The following SPATS1 variants were observed in gnomAD, a reference collection of about 807,000 sequenced individuals.
SPATS1 encodes spermatogenesis-associated serine-rich protein 1.
In SPATS1, 23 loss-of-function variants were observed where a neutral mutation model predicts 33.6. The observed-to-expected ratio is 0.68, with a 90% CI of 0.49 to 0.97. The LOEUF is 0.97. SPATS1 is among the 50% of genes least tolerant of loss of function. The pLI is 0.00. For synonymous variants in SPATS1, 131 were observed against 125.6 expected (o/e 1.04, Z -0.29); for missense variants, 327 against 361.0 (o/e 0.91, Z 0.76).
chr6:44,349,968 G>A lies in SPATS1; in HGVS notation c.140-2758G>A, dbSNP rs1286569636. Among the ~76,000 whole-genome samples, 5 of 152,094 alleles carry A rather than the reference G, an allele frequency of 3.3e-5. No homozygotes were observed. The South Asian group carries it at 1.0e-3, about 32-fold the overall frequency. ...TTGGTATATGGGTGGTTCTTCCTTT[G>A]GTTACTGGGGACCCGTCTCCTCATC... On this transcript the variant is annotated intron_variant, in intron 2 of 8. Transcript: ENST00000674044.
chr6:44,343,427 C>G (rs1787683488), intron 2 of SPATS1, 193 bp downstream of exon 2: 1 of 694,570 alleles, frequency 1.4e-6, no homozygotes, highest in Non-Finnish European at 2.6e-6. Flanking sequence ...AGAGCACCAC[C>G]AAAGCAGAGA....
intron 4 of SPATS1, among the ~76,000 whole-genome samples, chr6:44,360,967 A>C (rs1368356178): frequency 6.6e-6 from 1 of 152,212 alleles, no homozygotes; most frequent in Non-Finnish European, 1.5e-5. Context: ...GTTAGTATAC[A>C]AACTGGTATA....
intron 3 of SPATS1, among the ~76,000 whole-genome samples, chr6:44,355,784 C>T (rs1014940137): frequency 2.0e-5 from 3 of 152,186 alleles, no homozygotes; most frequent in Non-Finnish European, 2.9e-5. Flanking sequence ...TTAAGCTCTG[C>T]CTCTTTAGGT....
At chr6:44,358,118 C>G (rs774250909) in intron 3 of SPATS1, among the ~76,000 whole-genome samples, 1 of 152,232 alleles carries the variant, frequency 6.6e-6, no homozygotes, top group Non-Finnish European at 1.5e-5. Flanking sequence ...TGCTTATATT[C>G]TGAATCAGGG....
intron 6 of SPATS1, among the ~76,000 whole-genome samples, chr6:44,369,555 T>TAAATA (rs1383304686): frequency 1.2e-4 from 18 of 149,066 alleles, no homozygotes; most frequent in African/African-American, 4.2e-4. Flanking sequence ...CATCTCAAAA[T>TAAATA]AAATAAAATA....
At chr6:44,348,053 C>T (rs1788008300) in intron 2 of SPATS1, among the ~76,000 whole-genome samples, 1 of 151,276 alleles carries the variant, frequency 6.6e-6, no homozygotes, top group East Asian at 1.9e-4. Flanking sequence ...GTTGCTCAGG[C>T]TGTAGTGCAG....
At chr6:44,373,674 C>A in intron 7 of SPATS1, among the ~76,000 whole-genome samples, 1 of 152,130 alleles carries the variant, frequency 6.6e-6, no homozygotes, top group East Asian at 1.9e-4. Flanking sequence ...AACCTGATAA[C>A]CAGAACCAGA....
At chr6:44,349,439 G>A (rs1018471617) in intron 2 of SPATS1, among the ~76,000 whole-genome samples, 1 of 152,074 alleles carries the variant, frequency 6.6e-6, no homozygotes, top group Non-Finnish European at 1.5e-5. Flanking sequence ...ATGTGCATAA[G>A]ATTTAGGAAT....
chr6:44,372,312 T>C (rs974548862), intron 7 of SPATS1, among the ~76,000 whole-genome samples: 1 of 151,730 alleles, frequency 6.6e-6, no homozygotes, highest in Non-Finnish European at 1.5e-5. Context: ...TTTCTGGGTG[T>C]GTTTCTACTG....
At chr6:44,346,669 C>T (rs561845693) in intron 2 of SPATS1, among the ~76,000 whole-genome samples, 1 of 152,338 alleles carries the variant, frequency 6.6e-6, no homozygotes, top group East Asian at 1.9e-4. Flanking sequence ...CAGGCATAAG[C>T]CACCTTGTCC....
chr6:44,373,239 G>A (rs1789734458), intron 7 of SPATS1, among the ~76,000 whole-genome samples: 1 of 152,160 alleles, frequency 6.6e-6, no homozygotes, highest in African/African-American at 2.4e-5. Flanking sequence ...GCTCTGTGTG[G>A]GGTTGCTCAT....
intron 2 of SPATS1, 117 bp from the exon 3 acceptor site, chr6:44,352,609 C>A: frequency 2.3e-6 from 2 of 878,430 alleles, no homozygotes; most frequent in Non-Finnish European, 3.6e-6. Flanking sequence ...CCTCAGTGCA[C>A]AGTAAATGTT....
At chr6:44,344,771 T>C (rs1561953260) in intron 2 of SPATS1, among the ~76,000 whole-genome samples, 1 of 152,212 alleles carries the variant, frequency 6.6e-6, no homozygotes, top group Non-Finnish European at 1.5e-5. Context: ...CCAAATTCTC[T>C]TTTTTCCCTT....
intron 5 of SPATS1, among the ~76,000 whole-genome samples, chr6:44,366,591 T>G (rs1789263519): frequency 6.6e-6 from 1 of 152,220 alleles, no homozygotes; most frequent in African/African-American, 2.4e-5. Flanking sequence ...TCAGGTGTGC[T>G]AAAATTTTGG....
intron 5 of SPATS1, among the ~76,000 whole-genome samples, chr6:44,363,200 T>C (rs1229137618): frequency 6.6e-6 from 1 of 152,004 alleles, no homozygotes; most frequent in Non-Finnish European, 1.5e-5. Context: ...TGCCACCATC[T>C]TGGCTCACTG....
At chr6:44,357,324 CT>C (rs1788651313) in intron 3 of SPATS1, among the ~76,000 whole-genome samples, 1 of 152,120 alleles carries the variant, frequency 6.6e-6, no homozygotes, top group African/African-American at 2.4e-5. Flanking sequence ...GTCGTCTATG[CT>C]ATTCTCCTTT....
chr6:44,361,679 A>G (rs9472265), intron 4 of SPATS1, 152 bp from the exon 5 acceptor site: 10 of 1,193,026 alleles, frequency 8.4e-6, no homozygotes, highest in Non-Finnish European at 1.2e-5. Flanking sequence ...ACAGAGTTTC[A>G]CACTGTCTCT....
chr6:44,361,955 G>C lies in SPATS1; in HGVS notation c.537G>C (p.Glu179Asp), dbSNP rs778011770. 1 of 1,614,236 alleles carries C rather than the reference G, an allele frequency of 6.2e-7. No individual in the cohort carries two copies. Among genetic ancestry groups the C allele is most frequent in the South Asian group, 1.1e-5 (1 of 91,088 alleles). Residue 179 changes from glutamate (E) to aspartate (D), a missense_variant, in exon 5 of 9, where the codon GAG becomes GAC. Transcript: ENST00000674044. ...TCGGCAACAAGAGGTCTCTATCAGA[G>C]AGGACGGTGGACAAGTGCTTTGGGA... is the stretch of plus-strand genomic sequence containing the variant. ...VFLGNKRSLS[E>D]RTVDKCFGRK...
At chr6:44,369,610 G>A (rs137924211) in intron 6 of SPATS1, among the ~76,000 whole-genome samples, 6,512 of 152,202 alleles carry the variant, frequency 0.043, 426 homozygotes, top group East Asian at 0.24. Flanking sequence ...AGTGGCTCAT[G>A]CCTGTAATCC....
Sources: gnomAD v4.1 joint callset for allele counts (sites outside exome capture counted in the v4.1 genomes callset) on GRCh38, gnomAD v4.1.1 for gene constraint, MANE v1.5 for transcripts, NCBI Gene and HGNC (gene_info 2026-07-23, HGNC 2026-07-21) for gene names.